The following ZNF432 variants were observed in gnomAD, a reference collection of about 807,000 sequenced individuals.
ZNF432 encodes the protein zinc finger protein 432.
In ZNF432, 10 loss-of-function variants were observed where a neutral mutation model predicts 13.9. The ratio of observed to expected loss-of-function variants is 0.72; its 90% CI spans 0.44 to 1.22. The LOEUF (loss-of-function observed/expected upper bound fraction) is 1.22, where lower values mean the gene tolerates loss of function less well. Ranked by LOEUF, ZNF432 falls within the 50% of genes most tolerant of loss-of-function variation. The pLI is 0.00. For synonymous variants in ZNF432, 247 were observed against 256.2 expected (o/e 0.96, Z 0.34); for missense variants, 793 against 796.2 (o/e 1.00, Z 0.05).
intron 3 of ZNF432, among the ~76,000 whole-genome samples, chr19:52,041,076 G>A (rs557568628): frequency 6.6e-6 from 1 of 152,060 alleles, no homozygotes; most frequent in Non-Finnish European, 1.5e-5. Flanking sequence ...ATTCCAGCCT[G>A]AGTGAAAGAC....
chr19:52,037,789 T>TAAAA (rs74391730), intron 4 of ZNF432, among the ~76,000 whole-genome samples: 8 of 112,174 alleles, frequency 7.1e-5, no homozygotes, highest in Admixed American at 1.9e-4. Flanking sequence ...GACTCTACCT[T>TAAAA]AAAAAAAAAA....
At chr19:52,040,398 G>A in intron 4 of ZNF432, 90 bp downstream of exon 4, 2 of 1,109,794 alleles carry the variant, frequency 1.8e-6, no homozygotes, top group Non-Finnish European at 2.8e-6. Context: ...CATTCCTAAT[G>A]TAGGCACTGC....
At position 52,047,122 on chromosome 19, in the gene ZNF432, C is replaced by T. The variant is rs555430068; in HGVS notation, c.-192-62G>A. The T allele has an allele frequency of 4.1e-5, 18 of 437,242 alleles. No individual in the cohort carries two copies. In the South Asian group the frequency reaches 8.9e-4, roughly 22 times the overall value. 27.1% of individuals were successfully genotyped at this position (437,242 alleles called of 1,614,324 possible). ...TTAACACGTGGCCCTGAATATTTGT[C>T]TCTTTATTTGGTTCTCTCAAACCAA... On this transcript the variant is annotated intron_variant, in intron 1 of 4. Coordinates refer to ENST00000221315, the MANE Select transcript of ZNF432 (RefSeq NM_014650.4).
chr19:52,039,164 G>C (rs546007865), intron 4 of ZNF432, among the ~76,000 whole-genome samples: 1 of 152,238 alleles, frequency 6.6e-6, no homozygotes, highest in Non-Finnish European at 1.5e-5. Context: ...AGGAGGACCA[G>C]AGAAGTACTG....
At chr19:52,045,650 C>T (rs1421058523) in intron 2 of ZNF432, among the ~76,000 whole-genome samples, 8 of 150,708 alleles carry the variant, frequency 5.3e-5, no homozygotes, top group African/African-American at 9.7e-5. Context: ...CCACTGTGCC[C>T]GGCCCGGAAA....
Position 52,034,680 on chromosome 19 carries a change from A to G in ZNF432, c.999T>C (p.Ile333=), listed in dbSNP as rs780388824. The stretch of plus-strand genomic sequence containing the variant: ...CTCCTGTATGAGTTCGCTGATGTAT[A>G]ATAAGCATGCTCTTCCCAGTGAAGC... ...GKGFTGKSML[I]IHQRTHTGEK... is the part of the protein sequence containing the mutation. The change falls in exon 5 of 5, where the codon ATT becomes ATC. Residue 333 remains isoleucine (I), a synonymous_variant. Coordinates refer to ENST00000221315, the MANE Select transcript of ZNF432 (RefSeq NM_014650.4). 45 of 1,613,896 alleles carry G rather than the reference A, an allele frequency of 2.8e-5. No homozygotes were observed. In the East Asian group the frequency reaches 9.8e-4, roughly 35 times the overall value.
In ZNF432 at chr19:52,034,216, C is replaced by T. The variant is rs767615085; in HGVS notation, c.1463G>A (p.Ser488Asn). The change falls in exon 5 of 5, where the codon AGT becomes AAT. Residue 488 changes from serine (S) to asparagine (N), a missense_variant. Physicochemically the swap from Ser to Asn is conservative, Grantham distance 46. Coordinates refer to ENST00000221315, the MANE Select transcript of ZNF432 (RefSeq NM_014650.4). ...THTGEKPYRC[S>N]ECGKGFIVNS... is the part of the protein sequence containing the mutation. Reference sequence around the variant, plus strand: ...CACAATGAAACCTTTCCCACATTCACTGCACCTGTAAGGTTTCTCTCCAGT... The same window carrying T: ...CACAATGAAACCTTTCCCACATTCATTGCACCTGTAAGGTTTCTCTCCAGT... 2 of 1,614,078 alleles carry T rather than the reference C, an allele frequency of 1.2e-6. No individual in the cohort carries two copies. Among genetic ancestry groups the T allele is most frequent in the South Asian group, 2.2e-5 (2 of 91,072 alleles).
chr19:52,040,287 C>A (rs2087121729), intron 4 of ZNF432: 2 of 593,732 alleles, frequency 3.4e-6, no homozygotes, highest in African/African-American at 1.9e-5. Context: ...AGAGGACATT[C>A]AATACAACAC....
At position 52,041,498 on chromosome 19, in the gene ZNF432, T is replaced by C; in HGVS notation, c.124A>G (p.Ser42Gly). The change falls in exon 3 of 5, where the codon AGC becomes GGC. Residue 42 changes from serine to glycine, a missense_variant. Transcript: ENST00000221315. ...TCCTCACCCATTGATAGCAGGTTGC[T>C]GTAGATCTCCAACATCACATCCCGG... ...LYRDVMLEIY[S>G]NLLSMGYQVS... is the part of the protein sequence containing the mutation. 6.2e-7 allele frequency: 1 copy of C among 1,607,952 alleles called. No individual in the cohort carries two copies. Among genetic ancestry groups the C allele is most frequent in the Non-Finnish European group, 8.5e-7 (1 of 1,176,448 alleles).
chr19:52,035,481 TG>T (rs766132637), intron 4 of ZNF432, 41 bp from the exon 5 acceptor site: 3 of 1,452,858 alleles, frequency 2.1e-6, no homozygotes, highest in Non-Finnish European at 2.8e-6. Flanking sequence ...ATAATCTTGT[TG>T]GGGATAAAAC....
At chr19:52,045,086 T>C (rs371214064) in intron 2 of ZNF432, among the ~76,000 whole-genome samples, 23 of 152,184 alleles carry the variant, frequency 1.5e-4, no homozygotes, top group Non-Finnish European at 2.9e-4. Flanking sequence ...CTGAGCTGCA[T>C]GCAGCCCACA....
At chr19:52,046,129 T>C (rs1367921990) in intron 2 of ZNF432, among the ~76,000 whole-genome samples, 1 of 151,716 alleles carries the variant, frequency 6.6e-6, no homozygotes, top group Non-Finnish European at 1.5e-5. Context: ...AAGGATATTG[T>C]ATATTCTGAG....
At position 52,033,522 on chromosome 19, in the gene ZNF432, G is replaced by T; in HGVS notation, c.*198C>A. On this transcript the variant is annotated 3_prime_UTR_variant, in exon 5 of 5. Transcript: ENST00000221315. ...CAGATGAGTAATTTTCTATACATTG[G>T]TACATCAAAGAATTCAGAGCCTGAA... 1 of 578,116 alleles carries T rather than the reference G, an allele frequency of 1.7e-6. No homozygotes were observed. Among genetic ancestry groups the T allele is most frequent in the Non-Finnish European group, 2.9e-6 (1 of 345,684 alleles). 35.8% of individuals were successfully genotyped at this position (578,116 alleles called of 1,614,324 possible). A position where few individuals can be genotyped will look rare whatever the true frequency, so the allele number is the denominator to read the frequency against.
At chr19:52,036,542 T>C (rs2087082675) in intron 4 of ZNF432, among the ~76,000 whole-genome samples, 1 of 152,204 alleles carries the variant, frequency 6.6e-6, no homozygotes, top group African/African-American at 2.4e-5. Context: ...GTAAAGTATA[T>C]ACTGTGAAAC....
At position 52,034,749 on chromosome 19, in the gene ZNF432, AT is replaced by A. The variant is rs1320928296; in HGVS notation, c.929del (p.Asn310IlefsTer75). The A allele has an allele frequency of 6.2e-7, 1 of 1,612,948 alleles. No individual in the cohort carries two copies. On this transcript the variant is annotated frameshift_variant, in exon 5 of 5. Coordinates refer to ENST00000221315, the MANE Select transcript of ZNF432 (RefSeq NM_014650.4). LOFTEE classifies it low-confidence loss of function (END_TRUNC). ...ATATATAGGATTTCTCTCCAGTATG[AT>A]TTCGCTGATGTACAATGAGATTACG... is the stretch of plus-strand genomic sequence containing the variant. ...GKRNLIVHQR[N>X]HTGEKSYICS...
At chr19:52,042,413 G>A (rs1269765132) in intron 2 of ZNF432, among the ~76,000 whole-genome samples, 2 of 152,142 alleles carry the variant, frequency 1.3e-5, no homozygotes, top group Non-Finnish European at 2.9e-5. Context: ...ACCAGGTGCG[G>A]TGGCACACAC....
chr19:52,037,110 T>C (rs2087089553), intron 4 of ZNF432, among the ~76,000 whole-genome samples: 1 of 152,238 alleles, frequency 6.6e-6, no homozygotes, highest in African/African-American at 2.4e-5. Flanking sequence ...CAGGGTAATA[T>C]GCTTACTGAG....
rs913606772 is a variant in ZNF432 at position 52,033,576 on chromosome 19, A to G, written c.*144T>C. The G allele has an allele frequency of 7.8e-6, 7 of 894,926 alleles. No individual in the cohort carries two copies. Among genetic ancestry groups the G allele is most frequent in the Middle Eastern group, 3.3e-4 (1 of 3,026 alleles). The allele number at this position is 894,926 out of a possible 1,614,324, so 55.4% of individuals were successfully genotyped here. On this transcript the variant is annotated 3_prime_UTR_variant, in exon 5 of 5. Coordinates refer to ENST00000221315, the MANE Select transcript of ZNF432 (RefSeq NM_014650.4). ...ATGTTGAAGCCTTTCTGACATTGAT[A>G]GCATTCATCCTAGTGAATAACACTG...
In ZNF432 at chr19:52,033,959, A is replaced by G; in HGVS notation, c.1720T>C (p.Cys574Arg). 1.2e-6 allele frequency: 2 copies of G among 1,614,058 alleles called. No individual in the cohort carries two copies. The highest frequency in any genetic ancestry group is 1.1e-5 in the South Asian group (1 of 91,062). The part of the protein sequence containing the change: ...TEEKSCICSE[C>R]GRGFAKETEL... ...GTTTCCTTGGCAAAGCCTCTTCCAC[A>G]TTCACTACATATACAAGATTTCTCT... Residue 574 changes from cysteine to arginine, a missense_variant, in exon 5 of 5, where the codon TGT becomes CGT. Physicochemically the swap from Cys to Arg is radical, Grantham distance 180. Transcript: ENST00000221315.
Sources: gnomAD v4.1 joint callset for allele counts (sites outside exome capture counted in the v4.1 genomes callset) on GRCh38, gnomAD v4.1.1 for gene constraint, MANE v1.5 for transcripts, NCBI Gene and HGNC (gene_info 2026-07-23, HGNC 2026-07-21) for gene names.